MORF4L1: variants seen among roughly 807,000 people sequenced by gnomAD.
The protein encoded by MORF4L1 is mortality factor 4 like 1.
A neutral mutation model predicts 52.9 loss-of-function variants in MORF4L1; 4 were observed. The observed-to-expected ratio is 0.08, with a 90% CI of 0.04 to 0.17. MORF4L1 has a LOEUF of 0.17. Among genes scored for constraint, MORF4L1 ranks in the 10% least tolerant of loss-of-function variants. The probability of loss-of-function intolerance (pLI) is 1.00; values close to 1 mark genes in which losing one functional copy is unlikely to be tolerated. For synonymous variants in MORF4L1, 123 were observed against 134.8 expected, an observed-to-expected ratio of 0.91 and a Z score of 0.61; for missense variants, 214 against 390.4, an observed-to-expected ratio of 0.55 and a Z score of 3.81.
rs1264843674 is a variant in MORF4L1, at chr15:78,897,677, C to CA, written c.*612dup. ...TGTGTAGCTAGTTTTCTGGAAAAGTCAATCTTTTAGGAATTGTTTTTCAGA... is the reference window on the plus strand; with the variant it reads ...TGTGTAGCTAGTTTTCTGGAAAAGTCAAATCTTTTAGGAATTGTTTTTCAGA... On this transcript the variant is annotated 3_prime_UTR_variant, in exon 12 of 12. Transcript: ENST00000426013. 1 of 152,558 alleles carries CA rather than the reference C, an allele frequency of 6.6e-6. No individual in the cohort carries two copies. Among genetic ancestry groups the CA allele is most frequent in the Non-Finnish European group, 1.5e-5 (1 of 68,028 alleles). 9.5% of individuals were successfully genotyped at this position (152,558 alleles called of 1,614,324 possible). A position where few individuals can be genotyped will look rare whatever the true frequency, so the allele number is the denominator to read the frequency against.
At chr15:78,894,015 A>G in intron 9 of MORF4L1, 43 bp from the exon 10 acceptor site, 1 of 1,539,264 alleles carries the variant, frequency 6.5e-7, no homozygotes, top group Non-Finnish European at 8.9e-7. Flanking sequence ...TATGTCAGTT[A>G]TTTTTATTGA....
rs2056532624 is a variant in MORF4L1, at chr15:78,878,209, A to G, written c.41-4A>G. 1 of 1,611,236 alleles carries G rather than the reference A, an allele frequency of 6.2e-7. No homozygotes were observed. Among genetic ancestry groups the G allele is most frequent in the Non-Finnish European group, 8.5e-7 (1 of 1,179,132 alleles). On this transcript the variant is annotated splice_region_variant and splice_polypyrimidine_tract_variant and intron_variant, in intron 1 of 11. Transcript: ENST00000426013. ...ACAATTCAGTACTTTTTCTCCCTTT[A>G]CAGGTGAGCGAGTGCTGTGCTTTCA...
chr15:78,892,777 A>G (rs12050510), intron 8 of MORF4L1: 19,884 of 154,300 alleles, frequency 0.13, 1,360 homozygotes, highest in East Asian at 0.26. Context: ...GTTGAACTCT[A>G]TAATTGAGAA....
intron 5 of MORF4L1, among the ~76,000 whole-genome samples, chr15:78,887,781 C>G (rs75268049): frequency 0.046 from 7,069 of 152,176 alleles, 639 homozygotes; most frequent in East Asian, 0.38. Context: ...CCTAAGAAAA[C>G]CATTGCTTTT....
At chr15:78,874,748 C>A (rs2056450119) in intron 1 of MORF4L1, among the ~76,000 whole-genome samples, 1 of 148,270 alleles carries the variant, frequency 6.7e-6, no homozygotes, top group Non-Finnish European at 1.5e-5. Context: ...TTTTAATACC[C>A]CTCTCTCACC....
At chr15:78,889,237 G>A (rs2056757626) in intron 5 of MORF4L1, among the ~76,000 whole-genome samples, 1 of 152,176 alleles carries the variant, frequency 6.6e-6, no homozygotes, top group Non-Finnish European at 1.5e-5. Flanking sequence ...CAGTCTAGAC[G>A]TTTGAAGCAT....
In MORF4L1 at chr15:78,897,014, A is replaced by G. The variant is rs2056902511; in HGVS notation, c.919A>G (p.Ser307Gly). The part of the protein sequence containing the change: ...YLAKNSATLF[S>G]ASDYEVAPPE... ...GGCAAAGAATTCTGCAACTTTGTTCAGTGCCAGCGATTATGAAGTGGCTCC... is the reference window on the plus strand; with the variant it reads ...GGCAAAGAATTCTGCAACTTTGTTCGGTGCCAGCGATTATGAAGTGGCTCC... Residue 307 changes from serine to glycine, a missense_variant, in exon 12 of 12, where the codon AGT becomes GGT. This residue lies in a region of MORF4L1 where 30 missense variants were observed against 34.6 expected (regional missense o/e 0.87). Coordinates refer to ENST00000426013, the MANE Select transcript of MORF4L1 (RefSeq NM_006791.4). 3.1e-6 allele frequency: 5 copies of G among 1,613,096 alleles called. No homozygotes were observed. The East Asian group carries it at 1.1e-4, about 36-fold the overall frequency.
chr15:78,895,605 T>C (rs1387264098), intron 11 of MORF4L1, among the ~76,000 whole-genome samples: 2 of 152,228 alleles, frequency 1.3e-5, no homozygotes, highest in Admixed American at 6.5e-5. Flanking sequence ...TGTCCATGTT[T>C]TCAATTGAAA....
intron 3 of MORF4L1, among the ~76,000 whole-genome samples, chr15:78,881,805 T>C (rs888650286): frequency 1.3e-5 from 2 of 152,236 alleles, no homozygotes; most frequent in South Asian, 2.1e-4. Flanking sequence ...AATTGTCCTC[T>C]AGTAACTTAA....
At chr15:78,875,417 T>C (rs8031280) in intron 1 of MORF4L1, among the ~76,000 whole-genome samples, 24,067 of 152,210 alleles carry the variant, frequency 0.16, 2,098 homozygotes, top group East Asian at 0.26. Context: ...TTAACATTAC[T>C]TTCCAGGTGT....
In MORF4L1 at chr15:78,872,914, G is replaced by A. The variant is rs2141578904; in HGVS notation, c.-104G>A. The A allele has an allele frequency of 1.3e-6, 2 of 1,498,956 alleles. No homozygotes were observed. The highest frequency in any genetic ancestry group is 2.6e-5 in the East Asian group (1 of 39,018). The allele number at this position is 1,498,956 out of a possible 1,614,324, so 92.9% of individuals were successfully genotyped here. On this transcript the variant is annotated 5_prime_UTR_variant, in exon 1 of 12. Transcript: ENST00000426013. ...CAAATCCGGCCCAGGATGTAGAGCT[G>A]GCAGTGCCTGACGGCGCGTCTGACG...
rs115840383 is a variant in MORF4L1, at chr15:78,883,406, T to A, written c.156-2735T>A. On this transcript the variant is annotated intron_variant, in intron 3 of 11. Coordinates refer to ENST00000426013, the MANE Select transcript of MORF4L1 (RefSeq NM_006791.4). ...CCCTGTATAAAATTGCACACATAGA[T>A]GTGTACAGCGCAAAGACTGGATTTT... is the stretch of plus-strand genomic sequence containing the variant. 8.4e-3 allele frequency among the ~76,000 whole-genome samples: 1,281 copies of A among 152,344 alleles called. 22 individuals are homozygous for A. The highest frequency in any genetic ancestry group is 0.028 in the African/African-American group (1,185 of 41,588).
At chr15:78,878,137 G>T in intron 1 of MORF4L1, 76 bp from the exon 2 acceptor site, 1 of 1,446,276 alleles carries the variant, frequency 6.9e-7, no homozygotes, top group East Asian at 2.3e-5. Flanking sequence ...TAATAAAAGT[G>T]TGATGACTCT....
At chr15:78,880,424 T>G (rs17243470) in intron 2 of MORF4L1, 88 bp from the exon 3 acceptor site, 222,303 of 903,092 alleles carry the variant, frequency 0.25, 29,355 homozygotes, top group Non-Finnish European at 0.27. Flanking sequence ...CCATAAAGCT[T>G]GTGTAGAGTG....
rs140006024 is a variant in MORF4L1 at position 78,881,872 on chromosome 15, A to G, written c.155+1293A>G. ...CCTGGTTTACTATGGGATCAGTGCC[A>G]TCTGATTTGATGAGTATTCTGTTAC... is the stretch of plus-strand genomic sequence containing the variant. On this transcript the variant is annotated intron_variant, in intron 3 of 11. Coordinates refer to ENST00000426013, the MANE Select transcript of MORF4L1 (RefSeq NM_006791.4). Among the ~76,000 whole-genome samples the G allele has an allele frequency of 6.4e-4, 97 of 152,310 alleles. 1 individual carries two copies. Among genetic ancestry groups the G allele is most frequent in the Middle Eastern group, 3.4e-3 (1 of 294 alleles).
intron 11 of MORF4L1, among the ~76,000 whole-genome samples, chr15:78,896,534 C>T (rs2141491076): frequency 6.6e-6 from 1 of 152,096 alleles, no homozygotes. Flanking sequence ...GTCTTGAACC[C>T]CAACCTCAGG....
intron 3 of MORF4L1, among the ~76,000 whole-genome samples, chr15:78,880,946 A>G (rs1251450971): frequency 6.7e-6 from 1 of 149,304 alleles, no homozygotes; most frequent in Non-Finnish European, 1.5e-5. Context: ...CATGTTGATT[A>G]TATATGTTAT....
Position 78,893,593 on chromosome 15 carries a change from A to G in MORF4L1, c.595A>G (p.Asn199Asp). The G allele has an allele frequency of 6.2e-7, 1 of 1,601,220 alleles. No homozygotes were observed. The highest frequency in any genetic ancestry group is 8.5e-7 in the Non-Finnish European group (1 of 1,170,574). Residue 199 changes from asparagine (N) to aspartate (D), a missense_variant, in exon 9 of 12, where the codon AAT (asparagine) becomes GAT (aspartate). Asn to Asp is a conservative substitution (Grantham distance 23). Around this residue, in one of 5 missense-constraint regions of MORF4L1, gnomAD observed 68 missense variants for 171.6 expected, o/e 0.40. Transcript: ENST00000426013. ...NVDSILEDYANYKKSRGNTDN... is the reference protein window; with the variant it reads ...NVDSILEDYADYKKSRGNTDN... ...GGATTCCATTCTTGAGGATTATGCA[A>G]ATTACAAGAAATCTCGTGGAAACAC...
At chr15:78,889,511 T>G (rs1051874724) in intron 5 of MORF4L1, among the ~76,000 whole-genome samples, 21 of 152,246 alleles carry the variant, frequency 1.4e-4, no homozygotes. Flanking sequence ...TATAGATCTT[T>G]TACTTTAGAG....
Sources: gnomAD v4.1 joint callset for allele counts (sites outside exome capture counted in the v4.1 genomes callset) on GRCh38, gnomAD v4.1.1 for gene constraint, gnomAD v4.1.1 regional missense constraint, MANE v1.5 for transcripts, NCBI Gene and HGNC (gene_info 2026-07-23, HGNC 2026-07-21) for gene names.